The following RICTOR variants were observed in gnomAD, a reference collection of about 807,000 sequenced individuals.
RICTOR encodes rapamycin-insensitive companion of mTOR.
A neutral mutation model predicts 214.9 loss-of-function variants in RICTOR; 49 were observed. That is an observed-to-expected ratio of 0.23 (90% CI 0.18 to 0.29). RICTOR has a LOEUF of 0.29. RICTOR is among the 10% of genes least tolerant of loss of function. RICTOR has a pLI of 1.00. For missense variants in RICTOR, 1,625 were observed against 2,047.0 expected (o/e 0.79, Z 3.98); for synonymous variants, 717 against 711.3 (o/e 1.01, Z -0.13).
Position 38,953,483 on chromosome 5 carries a change from A to T in RICTOR, c.2768T>A (p.Leu923Gln). The part of the protein sequence containing the change: ...DLDKWEEIKK[L>Q]KASLWALGNI... ...AACCAAGGCCCAAAGAGATGCTTTC[A>T]GTTTTTTAATTTCTTCCCACTTATC... The change falls in exon 28 of 38, where the codon CTG becomes CAG. Residue 923 changes from leucine (L) to glutamine (Q), a missense_variant. Physicochemically the swap from Leu to Gln is moderately radical, Grantham distance 113 (BLOSUM62 -2). Transcript: ENST00000357387. 6.1e-6 allele frequency: 9 copies of T among 1,483,208 alleles called. No homozygotes were observed. Among genetic ancestry groups the T allele is most frequent in the Non-Finnish European group, 8.2e-6 (9 of 1,103,790 alleles). 91.9% of individuals were successfully genotyped at this position (1,483,208 alleles called of 1,614,324 possible).
At position 38,951,222 on chromosome 5, in the gene RICTOR, A is replaced by T. The variant is rs573252161; in HGVS notation, c.3128-502T>A. On this transcript the variant is annotated intron_variant, in intron 30 of 37. Coordinates refer to ENST00000357387, the MANE Select transcript of RICTOR (RefSeq NM_152756.5). Reference sequence around the variant, plus strand: ...TTAAATTATGTTTATTTCTCATTTTACCTTAGATACTAAGAAACTCATTAA... The same window carrying T: ...TTAAATTATGTTTATTTCTCATTTTTCCTTAGATACTAAGAAACTCATTAA... 7.2e-5 allele frequency among the ~76,000 whole-genome samples: 11 copies of T among 152,082 alleles called. No homozygotes were observed. The South Asian group carries it at 2.3e-3, about 31-fold the overall frequency.
chr5:39,053,070 GAACT>G (rs1475957745), intron 2 of RICTOR, among the ~76,000 whole-genome samples: 2 of 152,144 alleles, frequency 1.3e-5, no homozygotes, highest in Admixed American at 6.5e-5. Flanking sequence ...ACACTTTCAT[GAACT>G]AACATTTTAA....
rs1464220561 is a variant in RICTOR, at chr5:38,938,780, C to T, written c.*3524G>A. 1.3e-5 allele frequency: 3 copies of T among 232,950 alleles called. No individual in the cohort carries two copies. The Admixed American group carries it at 1.7e-4, about 13-fold the overall frequency. 14.4% of individuals were successfully genotyped at this position (232,950 alleles called of 1,614,324 possible). A position where few individuals can be genotyped will look rare whatever the true frequency, so the allele number is the denominator to read the frequency against. ...AAATGAGATTCTCACTGTAATGACA[C>T]TCTTGAGATTAAGATAGTAACAGTG... is the stretch of plus-strand genomic sequence containing the variant. On this transcript the variant is annotated 3_prime_UTR_variant, in exon 38 of 38. Coordinates refer to ENST00000357387, the MANE Select transcript of RICTOR (RefSeq NM_152756.5).
chr5:38,938,580 A>T lies in RICTOR; in HGVS notation c.*3724T>A. On this transcript the variant is annotated 3_prime_UTR_variant, in exon 38 of 38. Transcript: ENST00000357387. The stretch of plus-strand genomic sequence containing the variant: ...TGCAGCTATCCGATACTTACATTAC[A>T]AAAATACTCCAAACAGGAAAAAAGT... 1 of 232,922 alleles carries T rather than the reference A, an allele frequency of 4.3e-6. No individual in the cohort carries two copies. Among genetic ancestry groups the T allele is most frequent in the Admixed American group, 5.6e-5 (1 of 17,794 alleles). 14.4% of individuals were successfully genotyped at this position (232,922 alleles called of 1,614,324 possible). A position where few individuals can be genotyped will look rare whatever the true frequency, so the allele number is the denominator to read the frequency against.
intron 2 of RICTOR, among the ~76,000 whole-genome samples, chr5:39,069,241 A>T (rs1759128048): frequency 1.3e-5 from 2 of 152,128 alleles, no homozygotes; most frequent in South Asian, 4.1e-4. Flanking sequence ...GTGAAGACAA[A>T]CTATTCTGTC....
At chr5:38,976,876 T>C (rs1158729007) in intron 9 of RICTOR, among the ~76,000 whole-genome samples, 1 of 152,218 alleles carries the variant, frequency 6.6e-6, no homozygotes, top group Non-Finnish European at 1.5e-5. Context: ...ATTCTATATA[T>C]GGCCCTATCC....
At position 38,967,156 on chromosome 5, in the gene RICTOR, C is replaced by G. The variant is rs1750303675; in HGVS notation, c.1218+5G>C. On this transcript the variant is annotated splice_donor_5th_base_variant and intron_variant, in intron 14 of 37. Transcript: ENST00000357387. ...ATGGAATAAAATAAGGTTTATAAGTCTTACCTCTAAAAGTCCATTACGAAT... is the reference window on the plus strand; with the variant it reads ...ATGGAATAAAATAAGGTTTATAAGTGTTACCTCTAAAAGTCCATTACGAAT... 6.3e-7 allele frequency: 1 copy of G among 1,583,258 alleles called. No individual in the cohort carries two copies. The highest frequency in any genetic ancestry group is 8.7e-7 in the Non-Finnish European group (1 of 1,152,268).
rs1157411699 is a variant in RICTOR at position 38,994,470 on chromosome 5, A to G, written c.456+2349T>C. On this transcript the variant is annotated intron_variant, in intron 6 of 37. Transcript: ENST00000357387. ...AAAAAAAAGTGCTTCAGATGCCAAAAGCACTAATGAAATTATAGTTTCTCT... is the reference window on the plus strand; with the variant it reads ...AAAAAAAAGTGCTTCAGATGCCAAAGGCACTAATGAAATTATAGTTTCTCT... 2.7e-5 allele frequency among the ~76,000 whole-genome samples: 4 copies of G among 146,410 alleles called. No individual in the cohort carries two copies. In the Admixed American group the frequency reaches 2.8e-4, roughly 10 times the overall value.
chr5:38,956,173 C>A lies in RICTOR; in HGVS notation c.2500-469G>T, dbSNP rs1232749483. On this transcript the variant is annotated intron_variant, in intron 25 of 37. Transcript: ENST00000357387. ...CGTCCTCATCTAATCAACCTAACTA[C>A]CAGTGAAGTTCAGGCACTCATCAAT... Among the ~76,000 whole-genome samples, 14 of 152,034 alleles carry A rather than the reference C, an allele frequency of 9.2e-5. 1 individual carries two copies. The highest frequency in any genetic ancestry group is 2.1e-4 in the South Asian group (1 of 4,828).
intron 11 of RICTOR, 67 bp downstream of exon 11, chr5:38,971,810 T>A (rs7732615): frequency 0.97 from 696,046 of 718,034 alleles, 337,797 homozygotes; most frequent in East Asian, 0.99. Flanking sequence ...GAAATAATTT[T>A]TTTTTTATAA....
intron 36 of RICTOR, chr5:38,943,384 A>G (rs1412847064): frequency 6.2e-6 from 1 of 162,100 alleles, no homozygotes; most frequent in Non-Finnish European, 1.3e-5. Context: ...TTTAGCTAGG[A>G]AAGCACCTCA....
chr5:39,063,904 AC>A (rs5867441), intron 2 of RICTOR, among the ~76,000 whole-genome samples: 3,504 of 152,222 alleles, frequency 0.023, 139 homozygotes, highest in African/African-American at 0.08. Flanking sequence ...GGTTAAAAAA[AC>A]GTTTTCTGTA....
rs745904992 is a variant in RICTOR at position 38,947,228 on chromosome 5, C to A, written c.4314+36G>T. 2.7e-6 allele frequency: 4 copies of A among 1,488,120 alleles called. 1 individual carries two copies. In the South Asian group the frequency reaches 3.6e-5, roughly 14 times the overall value. The allele number at this position is 1,488,120 out of a possible 1,614,324, so 92.2% of individuals were successfully genotyped here. ...TACAGCATATGAAAAAATAGGAAAC[C>A]AACTCATAGGAAAACAATAAAATGT... On this transcript the variant is annotated intron_variant, in intron 32 of 37. Transcript: ENST00000357387.
chr5:39,009,377 CAA>C (rs1247137744), intron 3 of RICTOR, among the ~76,000 whole-genome samples: 1 of 152,024 alleles, frequency 6.6e-6, no homozygotes, highest in African/African-American at 2.4e-5. Context: ...TCTTAAAAAA[CAA>C]ACACGCACCA....
intron 28 of RICTOR, 47 bp downstream of exon 28, chr5:38,953,413 TA>T: frequency 1.2e-6 from 1 of 844,848 alleles, no homozygotes; most frequent in African/African-American, 1.8e-5. Flanking sequence ...AAAAAAAACT[TA>T]AAAATCTAAA....
intron 14 of RICTOR, 96 bp from the exon 15 acceptor site, chr5:38,966,817 T>TTA: frequency 4.3e-6 from 3 of 697,918 alleles, no homozygotes; most frequent in South Asian, 1.9e-5. Context: ...TTTTTTTTTT[T>TTA]AAGACAAGAG....
At chr5:38,942,483 T>C in intron 37 of RICTOR, 105 bp from the exon 38 acceptor site, 1 of 536,114 alleles carries the variant, frequency 1.9e-6, no homozygotes. Flanking sequence ...AGGGTCTTGC[T>C]CAGTCTTCCC....
intron 2 of RICTOR, among the ~76,000 whole-genome samples, chr5:39,049,886 C>G (rs13182733): frequency 0.16 from 24,302 of 151,966 alleles, 2,457 homozygotes; most frequent in Admixed American, 0.24. Context: ...GTTTAACAAC[C>G]AAGAAAGATA....
Position 38,942,220 on chromosome 5 carries a change from G to A in RICTOR, c.*84C>T. 1.3e-6 allele frequency: 1 copy of A among 769,186 alleles called. No individual in the cohort carries two copies. Among genetic ancestry groups the A allele is most frequent in the Non-Finnish European group, 2.2e-6 (1 of 460,052 alleles). 47.6% of individuals were successfully genotyped at this position (769,186 alleles called of 1,614,324 possible). On this transcript the variant is annotated 3_prime_UTR_variant, in exon 38 of 38. Transcript: ENST00000357387. ...AAGATACTCCTGTCTTTGCTGCCTA[G>A]TCAGTCGTATTTTCTGAGGCTTTTA...
Sources: allele counts gnomAD v4.1 joint callset (sites outside exome capture counted in the v4.1 genomes callset), GRCh38; gene constraint gnomAD v4.1.1; transcripts MANE v1.5; gene names NCBI Gene and HGNC (gene_info 2026-07-23, HGNC 2026-07-21).